Variants in CNTN5 observed in about 807,000 individuals in gnomAD.
CNTN5 encodes the protein contactin 5.
In CNTN5, 77 loss-of-function variants were observed where a neutral mutation model predicts 129.1. That is an observed-to-expected ratio of 0.60 (90% confidence interval 0.50 to 0.72). The LOEUF (loss-of-function observed/expected upper bound fraction) is 0.72. CNTN5 is among the 30% of genes least tolerant of loss of function. CNTN5 has a pLI of 0.00. For synonymous variants in CNTN5, 509 were observed against 465.6 expected, an observed-to-expected ratio of 1.09 and a Z score of -1.20; for missense variants, 1,478 against 1,328.8, an observed-to-expected ratio of 1.11 and a Z score of -1.75.
At chr11:99,368,825 A>G (rs929811541) in intron 2 of CNTN5, among the ~76,000 whole-genome samples, 2 of 152,142 alleles carry the variant, frequency 1.3e-5, no homozygotes, top group African/African-American at 4.8e-5. Context: ...ATTCAAGGCT[A>G]TTGCAATAGG....
chr11:100,062,598 AG>A (rs1177018732), intron 10 of CNTN5, among the ~76,000 whole-genome samples: 1 of 152,170 alleles, frequency 6.6e-6, no homozygotes, highest in Non-Finnish European at 1.5e-5. Context: ...GCAGTGATAA[AG>A]GCATGTGAAG....
chr11:100,286,975 C>A (rs1169241198), intron 18 of CNTN5, among the ~76,000 whole-genome samples: 1 of 151,872 alleles, frequency 6.6e-6, no homozygotes, highest in Non-Finnish European at 1.5e-5. Context: ...GCCTCAGGAG[C>A]CGATGTGATC....
At chr11:100,227,778 A>C (rs1225112203) in intron 16 of CNTN5, among the ~76,000 whole-genome samples, 2 of 152,184 alleles carry the variant, frequency 1.3e-5, no homozygotes, top group Admixed American at 1.3e-4. Flanking sequence ...AACAATAGAG[A>C]AAGCATGACT....
At chr11:99,747,120 G>A (rs972243289) in intron 3 of CNTN5, among the ~76,000 whole-genome samples, 1 of 152,078 alleles carries the variant, frequency 6.6e-6, no homozygotes, top group South Asian at 2.1e-4. Context: ...TAGTTTCAGT[G>A]TACAGATATT....
At chr11:99,323,568 C>A (rs1162023190) in intron 1 of CNTN5, among the ~76,000 whole-genome samples, 1 of 151,890 alleles carries the variant, frequency 6.6e-6, no homozygotes, top group Non-Finnish European at 1.5e-5. Flanking sequence ...ATTTAATGTT[C>A]TCAGTATTTC....
At chr11:99,536,902 G>A (rs1289619575) in intron 2 of CNTN5, among the ~76,000 whole-genome samples, 1 of 149,528 alleles carries the variant, frequency 6.7e-6, no homozygotes. Context: ...AATAAATTGT[G>A]TTATAAAATC....
At chr11:99,341,937 G>A (rs1043217458) in intron 2 of CNTN5, among the ~76,000 whole-genome samples, 8 of 152,102 alleles carry the variant, frequency 5.3e-5, no homozygotes, top group Non-Finnish European at 8.8e-5. Context: ...GATGTAATTA[G>A]CATCCAAGGA....
intron 13 of CNTN5, among the ~76,000 whole-genome samples, chr11:100,139,263 G>A (rs1336612164): frequency 6.6e-6 from 1 of 152,136 alleles, no homozygotes; most frequent in African/African-American, 2.4e-5. Context: ...TGGAATTTGT[G>A]CTAGTGAAAG....
At chr11:99,682,860 C>T (rs1426849163) in intron 3 of CNTN5, among the ~76,000 whole-genome samples, 37 of 151,898 alleles carry the variant, frequency 2.4e-4, no homozygotes, top group Admixed American at 2.4e-3. Context: ...TCATGTTGCT[C>T]ATAGCCACAG....
chr11:99,571,877 G>A (rs1258354481), intron 3 of CNTN5, among the ~76,000 whole-genome samples: 1 of 152,116 alleles, frequency 6.6e-6, no homozygotes, highest in Non-Finnish European at 1.5e-5. Flanking sequence ...ATAACAAGCA[G>A]CTATCATTGT....
chr11:100,254,335 C>T (rs995992570), intron 16 of CNTN5, among the ~76,000 whole-genome samples: 4 of 152,126 alleles, frequency 2.6e-5, no homozygotes, highest in Non-Finnish European at 5.9e-5. Flanking sequence ...GTATTATATT[C>T]TTAAGTTTAA....
At chr11:99,276,756 T>C (rs1007038214) in intron 1 of CNTN5, among the ~76,000 whole-genome samples, 33 of 151,624 alleles carry the variant, frequency 2.2e-4, no homozygotes, top group Admixed American at 4.0e-4. Context: ...TATACAAATA[T>C]ATACACACTT....
At chr11:99,165,978 A>G (rs1256007779) in intron 1 of CNTN5, among the ~76,000 whole-genome samples, 2 of 152,220 alleles carry the variant, frequency 1.3e-5, no homozygotes, top group Admixed American at 6.5e-5. Context: ...TTATATTAGT[A>G]CTATATGATG....
chr11:99,484,502 C>T (rs1002897578), intron 2 of CNTN5, among the ~76,000 whole-genome samples: 1 of 152,106 alleles, frequency 6.6e-6, no homozygotes, highest in African/African-American at 2.4e-5. Flanking sequence ...ACAGTGTTAC[C>T]ATTTGATCTA....
intron 2 of CNTN5, among the ~76,000 whole-genome samples, chr11:99,548,938 T>A (rs535559696): frequency 1.3e-5 from 2 of 152,244 alleles, no homozygotes; most frequent in East Asian, 3.9e-4. Context: ...CCTCATCCCA[T>A]TTTCTTTCTC....
At chr11:99,442,665 A>G (rs987147414) in intron 2 of CNTN5, among the ~76,000 whole-genome samples, 1 of 152,236 alleles carries the variant, frequency 6.6e-6, no homozygotes, top group Non-Finnish European at 1.5e-5. Context: ...AAAGGCTAGA[A>G]CAAAGACATA....
chr11:99,042,849 G>T (rs1864059785), intron 1 of CNTN5, among the ~76,000 whole-genome samples: 1 of 148,684 alleles, frequency 6.7e-6, no homozygotes, highest in African/African-American at 2.6e-5. Flanking sequence ...AGTAACTGAA[G>T]AATTCACGTT....
chr11:99,227,248 T>C (rs1860738739), intron 1 of CNTN5, among the ~76,000 whole-genome samples: 1 of 151,580 alleles, frequency 6.6e-6, no homozygotes. Context: ...TAATCCCAGC[T>C]ACTCAGGAGG....
intron 3 of CNTN5, among the ~76,000 whole-genome samples, chr11:99,644,812 T>G (rs954924763): frequency 1.3e-5 from 2 of 152,060 alleles, no homozygotes; most frequent in Non-Finnish European, 2.9e-5. Context: ...GAATAAACAC[T>G]AAAGGAACTA....
Sources: gnomAD v4.1 joint callset for allele counts (sites outside exome capture counted in the v4.1 genomes callset) on GRCh38, gnomAD v4.1.1 for gene constraint, MANE v1.5 for transcripts, NCBI Gene and HGNC (gene_info 2026-07-23, HGNC 2026-07-21) for gene names.